The following ATP7A variants were observed in gnomAD, a reference collection of about 807,000 sequenced individuals.
ATP7A encodes the protein ATPase copper transporting alpha.
ATP7A carries 7 observed loss-of-function variants against 83.5 expected under a neutral mutation model. The observed-to-expected ratio is 0.08, with a 90% CI of 0.05 to 0.16. ATP7A has a LOEUF of 0.16. Among genes scored for constraint, ATP7A ranks in the 10% least tolerant of loss-of-function variants. ATP7A has a pLI of 1.00. For missense variants in ATP7A, 940 were observed against 1,120.8 expected (o/e 0.84, Z 2.30); for synonymous variants, 354 against 395.2 (o/e 0.90, Z 1.24).
intron 1 of ATP7A, among the ~76,000 whole-genome samples, chrX:77,949,039 A>G (rs2077399295): frequency 9.0e-6 from 1 of 110,645 alleles, no homozygotes; most frequent in Non-Finnish European, 1.9e-5. Context: ...CCACAGACGC[A>G]TGCCGCCACA....
At chrX:77,950,415 G>A (rs1395689995) in intron 1 of ATP7A, among the ~76,000 whole-genome samples, 1 of 111,646 alleles carries the variant, frequency 9.0e-6, no homozygotes, top group Non-Finnish European at 1.9e-5. Context: ...AATATGACAA[G>A]TGTTACACTG....
intron 19 of ATP7A, 62 bp from the exon 20 acceptor site, chrX:78,042,523 C>T (rs2078056547): frequency 9.2e-7 from 1 of 1,092,810 alleles, no homozygotes; most frequent in Non-Finnish European, 1.3e-6. Context: ...CTTGTTATTG[C>T]TCAGTTATGT....
intron 1 of ATP7A, among the ~76,000 whole-genome samples, chrX:77,931,763 T>C (rs782707930): frequency 5.9e-3 from 267 of 45,547 alleles, no homozygotes; most frequent in African/African-American, 0.017. Context: ...GCTGGCCGGG[T>C]GGGGGGCTGA....
At chrX:78,036,098 C>T (rs953166943) in intron 17 of ATP7A, among the ~76,000 whole-genome samples, 5 of 111,390 alleles carry the variant, frequency 4.5e-5, no homozygotes, top group Non-Finnish European at 5.7e-5. Context: ...ACTAAAGAAT[C>T]GGCAGTAAAC....
chrX:77,955,847 A>AT lies in ATP7A; in HGVS notation c.-21-15758dup, dbSNP rs200845953. Among the ~76,000 whole-genome samples, 865 of 89,616 alleles carry AT rather than the reference A, an allele frequency of 9.7e-3. 2 individuals carry two copies. Among genetic ancestry groups the AT allele is most frequent in the Non-Finnish European group, 0.012 (542 of 44,665 alleles). 77.8% of individuals were successfully genotyped at this position (89,616 alleles called of 115,157 possible). ...ACTGTTCTACTCTATGACATCAACC[A>AT]TTTTTTTTTTTTTTTTGAAATTCCA... On this transcript the variant is annotated intron_variant, in intron 1 of 22. Coordinates refer to ENST00000341514, the MANE Select transcript of ATP7A (RefSeq NM_000052.7).
At chrX:77,950,311 A>G (rs2077405995) in intron 1 of ATP7A, among the ~76,000 whole-genome samples, 1 of 111,675 alleles carries the variant, frequency 9.0e-6, no homozygotes, top group Non-Finnish European at 1.9e-5. Flanking sequence ...GGCTTTAATA[A>G]TGGGAGCCAG....
intron 17 of ATP7A, among the ~76,000 whole-genome samples, chrX:78,037,557 A>G (rs1009808476): frequency 2.7e-5 from 3 of 111,476 alleles, no homozygotes; most frequent in Non-Finnish European, 5.6e-5. Flanking sequence ...AGAGTTAAGT[A>G]CTGAATCCTG....
intron 2 of ATP7A, 105 bp downstream of exon 2, chrX:77,971,866 A>G: frequency 3.2e-6 from 3 of 940,846 alleles, no homozygotes; most frequent in Non-Finnish European, 4.6e-6. Context: ...ACATTTGGCA[A>G]TAAAAACTAT....
At chrX:78,039,015 T>C (rs1557238038) in intron 18 of ATP7A, 33 bp downstream of exon 18, 2 of 1,193,007 alleles carry the variant, frequency 1.7e-6, no homozygotes, top group East Asian at 5.9e-5. Context: ...TATAACTCAA[T>C]GTTTTGTTAT....
At chrX:77,947,846 T>C (rs192154002) in intron 1 of ATP7A, among the ~76,000 whole-genome samples, 271 of 105,447 alleles carry the variant, frequency 2.6e-3, no homozygotes, top group Non-Finnish European at 4.4e-3. Flanking sequence ...TTCAAGCGAT[T>C]CTCCTGCCTC....
At chrX:77,920,219 A>AT (rs782164386) in intron 1 of ATP7A, among the ~76,000 whole-genome samples, 1,216 of 93,961 alleles carry the variant, frequency 0.013, 25 homozygotes, top group African/African-American at 0.042. Flanking sequence ...ATGAGTACCC[A>AT]TTTTTTTTTT....
chrX:77,985,713 A>AT (rs1189328050), intron 2 of ATP7A, among the ~76,000 whole-genome samples: 3 of 110,147 alleles, frequency 2.7e-5, no homozygotes, highest in Non-Finnish European at 5.7e-5. Context: ...GTTCTATGAA[A>AT]TTTTTTTTTA....
intron 15 of ATP7A, 152 bp from the exon 16 acceptor site, chrX:78,031,248 C>T (rs920143800): frequency 4.3e-5 from 22 of 516,855 alleles, no homozygotes; most frequent in African/African-American, 2.8e-4. Context: ...TTTATTTTCC[C>T]GAAGACCATC....
At chrX:77,912,262 G>A (rs1209835263) in intron 1 of ATP7A, among the ~76,000 whole-genome samples, 1 of 111,646 alleles carries the variant, frequency 9.0e-6, no homozygotes, top group Non-Finnish European at 1.9e-5. Flanking sequence ...TGTTATGAGA[G>A]TGCAGGGAAG....
chrX:78,000,154 G>A (rs2077730743), intron 5 of ATP7A, among the ~76,000 whole-genome samples: 1 of 110,574 alleles, frequency 9.0e-6, no homozygotes, highest in South Asian at 3.8e-4. Flanking sequence ...TATGGTATAC[G>A]GAGTCATCTT....
intron 1 of ATP7A, among the ~76,000 whole-genome samples, chrX:77,915,913 G>A (rs1360617057): frequency 4.5e-5 from 5 of 111,461 alleles, no homozygotes; most frequent in Non-Finnish European, 7.5e-5. Flanking sequence ...TAGAGATGGG[G>A]TTTCGCCATG....
At position 77,989,833 on chromosome X, in the gene ATP7A, G is replaced by A. The variant is rs782000271; in HGVS notation, c.1211G>A (p.Gly404Asp). 3.3e-6 allele frequency: 4 copies of A among 1,211,050 alleles called. No homozygotes were observed. The South Asian group carries it at 7.0e-5, about 21-fold the overall frequency. ...SIEGVISKKPGVKSIRVSLAN... is the reference protein window; with the variant it reads ...SIEGVISKKPDVKSIRVSLAN... ...GAGGGTGTCATATCAAAAAAGCCAGGTGTAAAATCCATACGAGTCTCCCTT... is the reference window on the plus strand; with the variant it reads ...GAGGGTGTCATATCAAAAAAGCCAGATGTAAAATCCATACGAGTCTCCCTT... Residue 404 changes from glycine to aspartate, a missense_variant, in exon 4 of 23, where the codon GGT becomes GAT. Gly to Asp is a moderately conservative substitution (Grantham distance 94). This residue lies in a region of ATP7A where 350 missense variants were observed against 432.8 expected (regional missense o/e 0.81). Transcript: ENST00000341514.
At chrX:77,914,336 G>A (rs781807019) in intron 1 of ATP7A, among the ~76,000 whole-genome samples, 7 of 110,636 alleles carry the variant, frequency 6.3e-5, no homozygotes, top group Non-Finnish European at 1.1e-4. Context: ...CTGCAGTCTC[G>A]ATCTCCCAGG....
intron 2 of ATP7A, among the ~76,000 whole-genome samples, chrX:77,984,059 T>C (rs908424038): frequency 9.0e-6 from 1 of 111,400 alleles, no homozygotes; most frequent in Admixed American, 9.6e-5. Context: ...TAATAAAAGA[T>C]TAAGAGAAAA....
Sources: allele counts gnomAD v4.1 joint callset (sites outside exome capture counted in the v4.1 genomes callset), GRCh38; gene constraint gnomAD v4.1.1; regional missense constraint gnomAD v4.1.1; transcripts MANE v1.5; gene names NCBI Gene and HGNC (gene_info 2026-07-23, HGNC 2026-07-21).